Variants in KCNIP4 observed in about 807,000 individuals in gnomAD.
KCNIP4 encodes potassium voltage-gated channel interacting protein 4.
Under a neutral mutation model 34.0 loss-of-function variants are expected in KCNIP4, and 12 were observed. The observed-to-expected ratio is 0.35, with a 90% CI of 0.23 to 0.57. The LOEUF (loss-of-function observed/expected upper bound fraction) is 0.57. KCNIP4 is among the 20% of genes least tolerant of loss of function. The pLI is 0.83. For synonymous variants in KCNIP4, 124 were observed against 102.2 expected (o/e 1.21, Z -1.29); for missense variants, 238 against 311.7 (o/e 0.76, Z 1.78).
At chr4:21,880,550 C>A (rs1726403157) in intron 1 of KCNIP4, among the ~76,000 whole-genome samples, 1 of 152,094 alleles carries the variant, frequency 6.6e-6, no homozygotes, top group Non-Finnish European at 1.5e-5. Flanking sequence ...CTTTATTAGT[C>A]ATAGTTCTTC....
At chr4:21,713,288 A>C (rs768958204) in intron 1 of KCNIP4, among the ~76,000 whole-genome samples, 8 of 152,364 alleles carry the variant, frequency 5.3e-5, no homozygotes, top group Non-Finnish European at 1.2e-4. Flanking sequence ...CAAATTGAGA[A>C]GAAAATCTTT....
intron 1 of KCNIP4, among the ~76,000 whole-genome samples, chr4:21,079,685 G>T (rs1745830084): frequency 6.6e-6 from 1 of 151,818 alleles, no homozygotes; most frequent in Non-Finnish European, 1.5e-5. Context: ...TGGAATTAAG[G>T]TTGCTAATCA....
intron 1 of KCNIP4, among the ~76,000 whole-genome samples, chr4:21,317,172 A>G (rs1713854741): frequency 6.6e-6 from 1 of 152,210 alleles, no homozygotes; most frequent in Admixed American, 6.5e-5. Flanking sequence ...TGGAGTATCA[A>G]GTATTTCAAA....
At chr4:21,932,983 T>C (rs1374965627) in intron 1 of KCNIP4, among the ~76,000 whole-genome samples, 1 of 150,144 alleles carries the variant, frequency 6.7e-6, no homozygotes, top group Non-Finnish European at 1.5e-5. Flanking sequence ...GATGACTAAT[T>C]GTGAGTTCTA....
intron 1 of KCNIP4, among the ~76,000 whole-genome samples, chr4:21,342,255 C>T (rs1216572039): frequency 1.3e-5 from 2 of 151,996 alleles, no homozygotes; most frequent in Non-Finnish European, 2.9e-5. Flanking sequence ...AAAAGAACAT[C>T]CATCTCAAGG....
At chr4:20,920,681 C>T (rs1235683653) in intron 1 of KCNIP4, among the ~76,000 whole-genome samples, 1 of 152,122 alleles carries the variant, frequency 6.6e-6, no homozygotes, top group Non-Finnish European at 1.5e-5. Flanking sequence ...GACAATGATC[C>T]ACTTGCATTT....
At chr4:21,636,732 A>G (rs550365465) in intron 1 of KCNIP4, among the ~76,000 whole-genome samples, 59 of 152,368 alleles carry the variant, frequency 3.9e-4, no homozygotes, top group African/African-American at 1.4e-3. Context: ...GAGCAAAGAG[A>G]AAACAACTGA....
intron 1 of KCNIP4, among the ~76,000 whole-genome samples, chr4:21,776,530 T>C (rs1471220): frequency 0.057 from 8,626 of 152,228 alleles, 816 homozygotes; most frequent in African/African-American, 0.19. Flanking sequence ...CAGAAAATCA[T>C]CTAATTTATC....
chr4:20,852,969 C>T (rs912169836), intron 2 of KCNIP4, among the ~76,000 whole-genome samples: 1 of 152,020 alleles, frequency 6.6e-6, no homozygotes, highest in African/African-American at 2.4e-5. Context: ...TGAAAGAAAC[C>T]ATAAGTGACA....
At chr4:21,885,329 C>G (rs2109391980) in intron 1 of KCNIP4, among the ~76,000 whole-genome samples, 1 of 152,174 alleles carries the variant, frequency 6.6e-6, no homozygotes, top group African/African-American at 2.4e-5. Flanking sequence ...GAACATTGTT[C>G]TATTCGTGAA....
chr4:21,249,509 A>G (rs1025592661), intron 1 of KCNIP4, among the ~76,000 whole-genome samples: 3 of 152,038 alleles, frequency 2.0e-5, no homozygotes, highest in African/African-American at 7.2e-5. Context: ...AGCAATAACC[A>G]TGTCAGGCCT....
intron 1 of KCNIP4, among the ~76,000 whole-genome samples, chr4:21,036,587 A>T (rs1023693162): frequency 3.3e-5 from 5 of 152,160 alleles, no homozygotes; most frequent in African/African-American, 1.2e-4. Flanking sequence ...TTAGCTGGGC[A>T]TGGGGGTGTG....
chr4:21,490,210 G>A (rs567792748), intron 1 of KCNIP4, among the ~76,000 whole-genome samples: 39 of 152,158 alleles, frequency 2.6e-4, no homozygotes, highest in African/African-American at 7.5e-4. Flanking sequence ...TGGGAAAGTC[G>A]TTTAGTTCCT....
intron 1 of KCNIP4, among the ~76,000 whole-genome samples, chr4:21,090,596 G>A (rs1487888468): frequency 1.3e-5 from 2 of 152,126 alleles, no homozygotes; most frequent in Non-Finnish European, 2.9e-5. Flanking sequence ...AAGTTTTTAT[G>A]TATTGCATTG....
chr4:21,763,331 G>A (rs916885690), intron 1 of KCNIP4, among the ~76,000 whole-genome samples: 7 of 152,052 alleles, frequency 4.6e-5, no homozygotes, highest in African/African-American at 4.8e-5. Flanking sequence ...GAGACAAAAC[G>A]GGCAACTAGC....
chr4:21,288,623 C>G (rs1763257441), intron 1 of KCNIP4, among the ~76,000 whole-genome samples: 1 of 152,060 alleles, frequency 6.6e-6, no homozygotes, highest in Non-Finnish European at 1.5e-5. Context: ...AACTGAGACA[C>G]AGAAAGGATA....
chr4:21,801,318 T>C (rs1419070532), intron 1 of KCNIP4, among the ~76,000 whole-genome samples: 1 of 152,188 alleles, frequency 6.6e-6, no homozygotes, highest in East Asian at 1.9e-4. Context: ...CAAGACCCCG[T>C]TGAATTTAAA....
chr4:21,667,488 A>G (rs145296937), intron 1 of KCNIP4, among the ~76,000 whole-genome samples: 42 of 152,328 alleles, frequency 2.8e-4, no homozygotes, highest in African/African-American at 7.5e-4. Flanking sequence ...ATAGAAAGCT[A>G]TAACAGTGAT....
chr4:21,833,265 T>G (rs1723107850), intron 1 of KCNIP4, among the ~76,000 whole-genome samples: 1 of 151,772 alleles, frequency 6.6e-6, no homozygotes, highest in Non-Finnish European at 1.5e-5. Flanking sequence ...GTTTCCTGAC[T>G]TTTTAATGAT....
Sources: gnomAD v4.1 joint callset for allele counts (sites outside exome capture counted in the v4.1 genomes callset) on GRCh38, gnomAD v4.1.1 for gene constraint, MANE v1.5 for transcripts, NCBI Gene and HGNC (gene_info 2026-07-23, HGNC 2026-07-21) for gene names.